EXOC4: variants seen among roughly 807,000 people sequenced by gnomAD.
EXOC4 encodes exocyst complex component 4.
EXOC4 carries 71 observed loss-of-function variants against 107.2 expected under a neutral mutation model. The observed-to-expected ratio is 0.66, with a 90% CI of 0.55 to 0.81. EXOC4 has a LOEUF of 0.81. EXOC4 is among the 30% of genes least tolerant of loss of function. EXOC4 has a pLI of 0.00. For synonymous variants in EXOC4, 456 were observed against 441.2 expected, an observed-to-expected ratio of 1.03 and a Z score of -0.42; for missense variants, 1,108 against 1,189.6, an observed-to-expected ratio of 0.93 and a Z score of 1.01.
chr7:133,300,742 G>T (rs1563008732), intron 3 of EXOC4, among the ~76,000 whole-genome samples: 1 of 152,164 alleles, frequency 6.6e-6, no homozygotes, highest in African/African-American at 2.4e-5. Context: ...AAAGAGTGCT[G>T]TGATGTCCCA....
At chr7:133,497,539 T>G (rs1170269185) in intron 9 of EXOC4, among the ~76,000 whole-genome samples, 1 of 151,984 alleles carries the variant, frequency 6.6e-6, no homozygotes, top group African/African-American at 2.4e-5. Context: ...CAAGCGATTC[T>G]TCTGCCTCAG....
At chr7:134,021,927 G>C (rs1387238303) in intron 17 of EXOC4, among the ~76,000 whole-genome samples, 4 of 152,002 alleles carry the variant, frequency 2.6e-5, no homozygotes, top group African/African-American at 9.7e-5. Flanking sequence ...GACAGAGGGA[G>C]GGAGGGAGAG....
At chr7:133,943,138 TC>T (rs1165954281) in intron 14 of EXOC4, among the ~76,000 whole-genome samples, 3 of 152,196 alleles carry the variant, frequency 2.0e-5, no homozygotes, top group Admixed American at 6.5e-5. Context: ...TAGAACACTT[TC>T]GTCATCACAG....
chr7:133,974,948 C>A (rs1210217906), intron 14 of EXOC4, among the ~76,000 whole-genome samples: 1 of 152,062 alleles, frequency 6.6e-6, no homozygotes, highest in African/African-American at 2.4e-5. Flanking sequence ...AATGCTTTCA[C>A]CCCAAATTAT....
intron 10 of EXOC4, among the ~76,000 whole-genome samples, chr7:133,813,708 C>A (rs2550993): frequency 3.2e-4 from 49 of 152,260 alleles, no homozygotes; most frequent in South Asian, 1.2e-3. Context: ...GGTTTTGGTC[C>A]TATTTTATTT....
chr7:133,452,714 T>G (rs1447084423), intron 7 of EXOC4, among the ~76,000 whole-genome samples: 1 of 151,916 alleles, frequency 6.6e-6, no homozygotes, highest in Non-Finnish European at 1.5e-5. Flanking sequence ...CTGACAAATG[T>G]ACCCTGTGGA....
intron 10 of EXOC4, among the ~76,000 whole-genome samples, chr7:133,795,927 A>T (rs1243612229): frequency 6.6e-6 from 1 of 152,220 alleles, no homozygotes; most frequent in Non-Finnish European, 1.5e-5. Context: ...TCTATGAAAC[A>T]CCTGCTAAAT....
At chr7:133,391,254 C>T (rs893994868) in intron 7 of EXOC4, among the ~76,000 whole-genome samples, 5 of 152,182 alleles carry the variant, frequency 3.3e-5, no homozygotes, top group African/African-American at 7.2e-5. Flanking sequence ...AGGAAGATGA[C>T]GGCTGTCACC....
chr7:133,823,849 A>ATATATATATATATATATATAT (rs1797594412), intron 11 of EXOC4, among the ~76,000 whole-genome samples: 2 of 10,304 alleles, frequency 1.9e-4, no homozygotes, highest in East Asian at 2.1e-3. Context: ...TATATTATAT[A>ATATATATATATATATATATAT]TATATATATA....
At chr7:133,568,408 C>T (rs1035889029) in intron 9 of EXOC4, among the ~76,000 whole-genome samples, 1 of 152,040 alleles carries the variant, frequency 6.6e-6, no homozygotes, top group African/African-American at 2.4e-5. Flanking sequence ...ACATTTGTGA[C>T]ACAGTTATAA....
intron 10 of EXOC4, among the ~76,000 whole-genome samples, chr7:133,810,657 G>T (rs1426616600): frequency 7.9e-6 from 1 of 127,098 alleles, no homozygotes; most frequent in Non-Finnish European, 1.6e-5. Flanking sequence ...TTTTTAGATG[G>T]AGTCTTGCTG....
At chr7:133,400,339 G>A (rs561467703) in intron 7 of EXOC4, among the ~76,000 whole-genome samples, 2 of 152,076 alleles carry the variant, frequency 1.3e-5, no homozygotes, top group African/African-American at 2.4e-5. Flanking sequence ...TTTATCAGTT[G>A]CCTACTCTAT....
chr7:133,458,890 C>A (rs561947424), intron 7 of EXOC4, among the ~76,000 whole-genome samples: 7 of 108,106 alleles, frequency 6.5e-5, no homozygotes, highest in Admixed American at 2.9e-4. Context: ...CTGTGAAGGG[C>A]AATATATTCT....
chr7:133,420,268 A>G (rs376358248), intron 7 of EXOC4, among the ~76,000 whole-genome samples: 6 of 149,300 alleles, frequency 4.0e-5, no homozygotes, highest in East Asian at 2.0e-4. Flanking sequence ...ATGATTTCCA[A>G]TTTCATCCAT....
At chr7:133,311,026 G>T (rs1313386812) in intron 4 of EXOC4, among the ~76,000 whole-genome samples, 1 of 152,114 alleles carries the variant, frequency 6.6e-6, no homozygotes, top group East Asian at 1.9e-4. Flanking sequence ...CAGTAGAATT[G>T]ACAAATGAAA....
chr7:134,094,897 G>A, the EXOC4 span, among the ~76,000 whole-genome samples: 2 of 152,148 alleles, frequency 1.3e-5, no homozygotes, highest in South Asian at 2.1e-4. Flanking sequence ...CTCTTGAGAA[G>A]TGGAACAAGG....
chr7:133,498,314 G>A (rs943429841), intron 9 of EXOC4, among the ~76,000 whole-genome samples: 5 of 152,154 alleles, frequency 3.3e-5, no homozygotes, highest in South Asian at 2.1e-4. Context: ...GGCTGGGCAC[G>A]GTGGCTCACG....
rs751204495 is a variant in EXOC4 at position 133,260,548 on chromosome 7, A to G, written c.86+7361A>G. On this transcript the variant is annotated intron_variant, in intron 1 of 17. Transcript: ENST00000253861. ...CTCGGCCTCCCAAAGTGCAGGGATT[A>G]CAGGTGTGAGGCACCGCGCCTGGCC... 1.2e-3 allele frequency among the ~76,000 whole-genome samples: 177 copies of G among 152,338 alleles called. 2 individuals carry two copies. Among genetic ancestry groups the G allele is most frequent in the Non-Finnish European group, 1.1e-3 (73 of 68,030 alleles).
chr7:133,756,084 A>G (rs1795911327), intron 10 of EXOC4, among the ~76,000 whole-genome samples: 1 of 152,242 alleles, frequency 6.6e-6, no homozygotes. Context: ...GTGTATTCTT[A>G]TAAAACCACT....
Sources: gnomAD v4.1 joint callset for allele counts (sites outside exome capture counted in the v4.1 genomes callset) on GRCh38, gnomAD v4.1.1 for gene constraint, MANE v1.5 for transcripts, NCBI Gene and HGNC (gene_info 2026-07-23, HGNC 2026-07-21) for gene names.